The following WNT9A variants were observed in gnomAD, a reference collection of about 807,000 sequenced individuals.
The protein encoded by WNT9A is Wnt family member 9A.
In WNT9A, 8 loss-of-function variants were observed where a neutral mutation model predicts 31.4. The observed-to-expected ratio is 0.26, with a 90% CI of 0.15 to 0.46. WNT9A has a LOEUF of 0.46. Among genes scored for constraint, WNT9A ranks in the 20% least tolerant of loss-of-function variants. The pLI, the probability that WNT9A is intolerant of heterozygous loss-of-function variation, is 0.99. For synonymous variants in WNT9A, 236 were observed against 220.1 expected (o/e 1.07, Z -0.64); for missense variants, 457 against 522.9 (o/e 0.87, Z 1.23).
chr1:227,931,344 C>T (rs1666507576), intron 1 of WNT9A, among the ~76,000 whole-genome samples: 1 of 152,196 alleles, frequency 6.6e-6, no homozygotes, highest in Non-Finnish European at 1.5e-5. Context: ...TAGCTCTTCC[C>T]ACTGAGTTTC....
rs1418109348 is a variant in WNT9A, at chr1:227,925,486, C to T, written c.129G>A (p.Pro43=). 26 of 1,569,762 alleles carry T rather than the reference C, an allele frequency of 1.7e-5. No individual in the cohort carries two copies. Among genetic ancestry groups the T allele is most frequent in the Non-Finnish European group, 2.0e-5 (23 of 1,162,048 alleles). The change falls in exon 2 of 4, where the codon CCG becomes CCA. Residue 43 remains proline, a synonymous_variant. Coordinates refer to ENST00000272164, the MANE Select transcript of WNT9A (RefSeq NM_003395.4). The surrounding 1 kb of genome is among the most constrained non-coding windows in gnomAD (Gnocchi z 6.0). ...CAGCCGCCTCTGGCTCCAGGGTCAG[C>T]GGGAGGATGGTCAGGGGCTCGCTGC... ...LTGSEPLTIL[P]LTLEPEAAAQ... is the part of the protein sequence containing the mutation.
Position 227,924,363 on chromosome 1 carries a change from C to T in WNT9A, c.390G>A (p.Ser130=), listed in dbSNP as rs150203238. The change falls in exon 3 of 4, where the codon TCG becomes TCA. Residue 130 remains serine, a synonymous_variant. Coordinates refer to ENST00000272164, the MANE Select transcript of WNT9A (RefSeq NM_003395.4). ...KETAFLYAIS[S]AGLTHALAKA... ...TGGCCAGTGCGTGCGTCAGGCCAGCCGAGGAGATGGCATAGAGGAAGGCAG... is the reference window on the plus strand; with the variant it reads ...TGGCCAGTGCGTGCGTCAGGCCAGCTGAGGAGATGGCATAGAGGAAGGCAG... 555 of 1,613,242 alleles carry T rather than the reference C, an allele frequency of 3.4e-4. No homozygotes were observed. Among genetic ancestry groups the T allele is most frequent in the Non-Finnish European group, 3.0e-4 (352 of 1,179,602 alleles).
At chr1:227,945,639 C>T (rs867539865) in intron 1 of WNT9A, among the ~76,000 whole-genome samples, 1 of 152,172 alleles carries the variant, frequency 6.6e-6, no homozygotes, top group Admixed American at 6.5e-5. Context: ...GATCCCAGCC[C>T]CTTCTCCCTG....
chr1:227,921,788 C>T lies in WNT9A; in HGVS notation c.828G>A (p.Gly276=). 1.9e-6 allele frequency: 3 copies of T among 1,612,420 alleles called. No individual in the cohort carries two copies. Among genetic ancestry groups the T allele is most frequent in the Non-Finnish European group, 2.5e-6 (3 of 1,179,634 alleles). Residue 276 remains glycine, a synonymous_variant, in exon 4 of 4, where the codon GGG becomes GGA. Coordinates refer to ENST00000272164, the MANE Select transcript of WNT9A (RefSeq NM_003395.4). The part of the protein sequence containing the change: ...AISPPRGRAS[G]AGGSDPLPRT... ...GGGGCAGCGGGTCGCTGCCACCTGC[C>T]CCCGAGGCACGGCCCCGTGGTGGGG...
intron 1 of WNT9A, among the ~76,000 whole-genome samples, chr1:227,934,955 G>A (rs144147496): frequency 1.3e-5 from 2 of 151,936 alleles, no homozygotes; most frequent in East Asian, 1.9e-4. Flanking sequence ...GACAGCCTGA[G>A]TCACAGCCCC....
At position 227,926,407 on chromosome 1, in the gene WNT9A, A is replaced by G. The variant is rs1666421665; in HGVS notation, c.96-888T>C. Among the ~76,000 whole-genome samples the G allele has an allele frequency of 6.6e-6, 1 of 151,620 alleles. No homozygotes were observed. The highest frequency in any genetic ancestry group is 2.1e-4 in the South Asian group (1 of 4,804). Reference sequence around the variant, plus strand: ...CTGCTGCTGCTGCTGGGCTCACTTCACAAGGCTTCCCTCACACCCCGCCCT... The same window carrying G: ...CTGCTGCTGCTGCTGGGCTCACTTCGCAAGGCTTCCCTCACACCCCGCCCT... On this transcript the variant is annotated intron_variant, in intron 1 of 3. Coordinates refer to ENST00000272164, the MANE Select transcript of WNT9A (RefSeq NM_003395.4). This position sits in a 1 kb window ranked among gnomAD's most constrained non-coding sequence, Gnocchi z 5.0.
intron 1 of WNT9A, among the ~76,000 whole-genome samples, chr1:227,945,667 G>A (rs1666782694): frequency 1.3e-5 from 2 of 151,998 alleles, no homozygotes; most frequent in Non-Finnish European, 2.9e-5. Context: ...GACTGGAGCT[G>A]GGAAGGGCCA....
rs1161860622 is a variant in WNT9A, at chr1:227,947,807, C to T, written c.81G>A (p.Ser27=). 3 of 1,094,862 alleles carry T rather than the reference C, an allele frequency of 2.7e-6. No homozygotes were observed. The highest frequency in any genetic ancestry group is 2.2e-6 in the Non-Finnish European group (2 of 900,948). 67.8% of individuals were successfully genotyped at this position (1,094,862 alleles called of 1,614,324 possible). A position where few individuals can be genotyped will look rare whatever the true frequency, so the allele number is the denominator to read the frequency against. ...LTLLLAALRP[S]AAYFGLTGSE... Reference sequence around the variant, plus strand: ...AAGGCACCTACCCGAAGTAGGCGGCCGAAGGGCGCAGCGCGGCGAGCAGCA... The same window carrying T: ...AAGGCACCTACCCGAAGTAGGCGGCTGAAGGGCGCAGCGCGGCGAGCAGCA... Residue 27 remains serine (S), a synonymous_variant, in exon 1 of 4, where the codon TCG becomes TCA. Coordinates refer to ENST00000272164, the MANE Select transcript of WNT9A (RefSeq NM_003395.4).
intron 1 of WNT9A, among the ~76,000 whole-genome samples, chr1:227,932,577 C>G (rs539795220): frequency 9.2e-5 from 14 of 152,210 alleles, no homozygotes; most frequent in African/African-American, 1.7e-4. Context: ...TTTCAATAGA[C>G]TTTTCCTAGA....
In WNT9A at chr1:227,925,011, C is replaced by T. The variant is rs900271305; in HGVS notation, c.352+252G>A. Reference sequence around the variant, plus strand: ...CGGGGCAGCCCCGGGTAGCCTGGGGCCCCGTCAAAGGCCGAGTCAGCATGC... The same window carrying T: ...CGGGGCAGCCCCGGGTAGCCTGGGGTCCCGTCAAAGGCCGAGTCAGCATGC... On this transcript the variant is annotated intron_variant, in intron 2 of 3. Transcript: ENST00000272164. The surrounding 1 kb of genome is among the most constrained non-coding windows in gnomAD (Gnocchi z 6.0). Among the ~76,000 whole-genome samples the T allele has an allele frequency of 1.3e-5, 2 of 151,972 alleles. No homozygotes were observed. The highest frequency in any genetic ancestry group is 2.1e-4 in the South Asian group (1 of 4,828).
intron 1 of WNT9A, among the ~76,000 whole-genome samples, chr1:227,936,861 G>A (rs1269471344): frequency 6.6e-6 from 1 of 152,128 alleles, no homozygotes; most frequent in African/African-American, 2.4e-5. Flanking sequence ...AAGACACTGG[G>A]CTTCTGGAAT....
chr1:227,924,542 G>A, intron 2 of WNT9A, 142 bp from the exon 3 acceptor site: 1 of 1,298,518 alleles, frequency 7.7e-7, no homozygotes, highest in South Asian at 1.5e-5. Flanking sequence ...GGGACAGGGT[G>A]TGGGTGTGCC....
chr1:227,942,107 T>C lies in WNT9A; in HGVS notation c.95+5686A>G, dbSNP rs1666718458. ...GGCCACCCCAGCAGCCGGCGGAAGG[T>C]CCCAGGCCAGGGCAGGCACTGGGGC... On this transcript the variant is annotated intron_variant, in intron 1 of 3. Transcript: ENST00000272164. The surrounding 1 kb of genome is among the most constrained non-coding windows in gnomAD (Gnocchi z 5.7). Among the ~76,000 whole-genome samples the C allele has an allele frequency of 6.6e-6, 1 of 151,996 alleles. No homozygotes were observed. Among genetic ancestry groups the C allele is most frequent in the South Asian group, 2.1e-4 (1 of 4,826 alleles).
At chr1:227,938,555 C>T (rs766465782) in intron 1 of WNT9A, among the ~76,000 whole-genome samples, 1 of 151,892 alleles carries the variant, frequency 6.6e-6, no homozygotes, top group Non-Finnish European at 1.5e-5. Context: ...ACCCGTAAAC[C>T]GATAGAGATG....
At chr1:227,931,169 C>T (rs1404169225) in intron 1 of WNT9A, among the ~76,000 whole-genome samples, 1 of 152,102 alleles carries the variant, frequency 6.6e-6, no homozygotes, top group African/African-American at 2.4e-5. Flanking sequence ...TCACTGCAGC[C>T]TCACTGTTGC....
In WNT9A at chr1:227,920,367, G is replaced by A. The variant is rs1242249228; in HGVS notation, c.*1151C>T. ...AGGGAATATGTCAGGGACGGAAGGCGGGGCCCTCCCAGACTGGGGCTTGGC... is the reference window on the plus strand; with the variant it reads ...AGGGAATATGTCAGGGACGGAAGGCAGGGCCCTCCCAGACTGGGGCTTGGC... On this transcript the variant is annotated 3_prime_UTR_variant, in exon 4 of 4. Transcript: ENST00000272164. 1.3e-5 allele frequency: 2 copies of A among 152,282 alleles called. No homozygotes were observed. The highest frequency in any genetic ancestry group is 1.5e-5 in the Non-Finnish European group (1 of 68,060). 9.4% of individuals were successfully genotyped at this position (152,282 alleles called of 1,614,324 possible).
At position 227,940,456 on chromosome 1, in the gene WNT9A, C is replaced by T. The variant is rs562432907; in HGVS notation, c.95+7337G>A. On this transcript the variant is annotated intron_variant, in intron 1 of 3. Transcript: ENST00000272164. ...TCCAGTGGCCACCAGTGTCACCTCC[C>T]ACACTGTCATCCCTTCTGGAGCTCA... Among the ~76,000 whole-genome samples, 4 of 152,320 alleles carry T rather than the reference C, an allele frequency of 2.6e-5. No homozygotes were observed. In the South Asian group the frequency reaches 6.2e-4, roughly 24 times the overall value.
At position 227,920,340 on chromosome 1, in the gene WNT9A, G is replaced by A. The variant is rs1666289873; in HGVS notation, c.*1178C>T. 1 of 152,268 alleles carries A rather than the reference G, an allele frequency of 6.6e-6. No individual in the cohort carries two copies. Among genetic ancestry groups the A allele is most frequent in the Admixed American group, 6.5e-5 (1 of 15,292 alleles). 9.4% of individuals were successfully genotyped at this position (152,268 alleles called of 1,614,324 possible). On this transcript the variant is annotated 3_prime_UTR_variant, in exon 4 of 4. Transcript: ENST00000272164. ...ACTAAGCAGATCAGAGGCAGGGTTA[G>A]GAGGGAATATGTCAGGGACGGAAGG...
rs780452541 is a variant in WNT9A, at chr1:227,925,552, C to T, written c.96-33G>A. The T allele has an allele frequency of 4.1e-6, 6 of 1,473,834 alleles. No homozygotes were observed. The Admixed American group carries it at 1.3e-4, about 33-fold the overall frequency. The allele number at this position is 1,473,834 out of a possible 1,614,324, so 91.3% of individuals were successfully genotyped here. ...CAGAGAGGCCAGCATGAGCCCGGCCCCAGGAAGCCCTGCTGGAGCCTGGCC... is the reference window on the plus strand; with the variant it reads ...CAGAGAGGCCAGCATGAGCCCGGCCTCAGGAAGCCCTGCTGGAGCCTGGCC... On this transcript the variant is annotated intron_variant, in intron 1 of 3. Transcript: ENST00000272164. This position sits in a 1 kb window ranked among gnomAD's most constrained non-coding sequence, Gnocchi z 6.0.
Sources: allele counts gnomAD v4.1 joint callset (sites outside exome capture counted in the v4.1 genomes callset), GRCh38; gene constraint gnomAD v4.1.1; non-coding constraint Gnocchi (gnomAD v3.1); transcripts MANE v1.5; gene names NCBI Gene and HGNC (gene_info 2026-07-23, HGNC 2026-07-21).